Variants in TLN2 observed in about 807,000 individuals in gnomAD.
TLN2 encodes talin-2.
A neutral mutation model predicts 294.7 loss-of-function variants in TLN2; 118 were observed. The observed-to-expected ratio is 0.40, with a 90% CI of 0.34 to 0.47. The LOEUF is 0.47. Among genes scored for constraint, TLN2 ranks in the 20% least tolerant of loss-of-function variants. The pLI, the probability that TLN2 is intolerant of heterozygous loss-of-function variation, is 0.84. For missense variants in TLN2, 3,083 were observed against 3,282.2 expected, an observed-to-expected ratio of 0.94 and a Z score of 1.48; for synonymous variants, 1,431 against 1,304.5, an observed-to-expected ratio of 1.10 and a Z score of -2.09.
intron 2 of TLN2, among the ~76,000 whole-genome samples, chr15:62,608,940 G>A (rs548432673): frequency 1.1e-3 from 168 of 152,184 alleles, no homozygotes; most frequent in African/African-American, 3.9e-3. Context: ...GGAGGGATAA[G>A]ATGGGTAATA....
chr15:62,557,927 C>T (rs183619695), intron 1 of TLN2, among the ~76,000 whole-genome samples: 46 of 152,318 alleles, frequency 3.0e-4, no homozygotes, highest in Non-Finnish European at 6.2e-4. Flanking sequence ...AGGTTTTGCG[C>T]CAGTGGTTCT....
At chr15:62,640,512 G>GC (rs1157302344) in intron 3 of TLN2, 6 of 372,930 alleles carry the variant, frequency 1.6e-5, no homozygotes, top group African/African-American at 2.1e-5. Flanking sequence ...CCCCCATTGT[G>GC]CCCCCCTAAG....
intron 51 of TLN2, among the ~76,000 whole-genome samples, chr15:62,808,540 C>T (rs928302565): frequency 6.6e-6 from 1 of 152,138 alleles, no homozygotes; most frequent in Non-Finnish European, 1.5e-5. Context: ...ATTGTTCTCC[C>T]AAAGGGTTCT....
intron 3 of TLN2, among the ~76,000 whole-genome samples, chr15:62,639,606 A>G (rs1250910723): frequency 6.6e-6 from 1 of 152,242 alleles, no homozygotes; most frequent in Admixed American, 6.5e-5. Flanking sequence ...ACAGGAGCTT[A>G]ACTCTCCTGG....
At chr15:62,754,757 C>G (rs2062133740) in intron 36 of TLN2, 2 of 152,304 alleles carry the variant, frequency 1.3e-5, no homozygotes, top group African/African-American at 4.8e-5. Context: ...GGGGTGTTAC[C>G]AGCCTCAGCA....
chr15:62,498,153 C>CAAAAAAAAAAA (rs538951284), intron 1 of TLN2, among the ~76,000 whole-genome samples: 12 of 93,370 alleles, frequency 1.3e-4, no homozygotes, highest in African/African-American at 1.7e-4. Flanking sequence ...GACCCTGCCT[C>CAAAAAAAAAAA]AAAAAAAAAA....
At chr15:62,693,596 A>G (rs531556503) in intron 13 of TLN2, among the ~76,000 whole-genome samples, 226 of 68,242 alleles carry the variant, frequency 3.3e-3, no homozygotes, top group African/African-American at 9.5e-3. Flanking sequence ...TGATCTTTGT[A>G]GTTTTCATGT....
At chr15:62,567,211 G>T (rs1416442363) in intron 1 of TLN2, among the ~76,000 whole-genome samples, 1 of 152,204 alleles carries the variant, frequency 6.6e-6, no homozygotes, top group Non-Finnish European at 1.5e-5. Flanking sequence ...GGATCATTCA[G>T]TTGTTTCCAA....
chr15:62,833,806 T>C, intron 55 of TLN2, 177 bp downstream of exon 55: 1 of 860,868 alleles, frequency 1.2e-6, no homozygotes, highest in Non-Finnish European at 1.6e-6. Flanking sequence ...ACCAACAGAA[T>C]AAGAGGTTTG....
At chr15:62,756,421 G>C (rs2062254470) in intron 37 of TLN2, among the ~76,000 whole-genome samples, 1 of 152,134 alleles carries the variant, frequency 6.6e-6, no homozygotes, top group African/African-American at 2.4e-5. Flanking sequence ...GCAGCAGGCA[G>C]CTGACCTGTG....
At chr15:62,620,946 C>T (rs1185610865) in intron 3 of TLN2, among the ~76,000 whole-genome samples, 1 of 150,156 alleles carries the variant, frequency 6.7e-6, no homozygotes, top group Non-Finnish European at 1.5e-5. Flanking sequence ...TCACACTGTT[C>T]TCCTGCCTCA....
At chr15:62,470,247 A>G (rs967242347) in intron 1 of TLN2, among the ~76,000 whole-genome samples, 4 of 152,194 alleles carry the variant, frequency 2.6e-5, no homozygotes, top group Admixed American at 6.5e-5. Flanking sequence ...GGATGGCCAA[A>G]CCAGGAAACA....
rs746996896 is a variant in TLN2 at position 62,762,433 on chromosome 15, G to A, written c.4941G>A (p.Lys1647=). The change falls in exon 39 of 59, where the codon AAG becomes AAA. Residue 1647 remains lysine, a synonymous_variant. Transcript: ENST00000636159. ...GHSHTVSDSI[K]SLITSIRDKA... ...CCCATACAGTGTCCGACTCCATCAAGAGTCTCATCACTTCTATCAGGTCAG... is the reference window on the plus strand; with the variant it reads ...CCCATACAGTGTCCGACTCCATCAAAAGTCTCATCACTTCTATCAGGTCAG... The A allele has an allele frequency of 6.2e-7, 1 of 1,614,140 alleles. No individual in the cohort carries two copies. Among genetic ancestry groups the A allele is most frequent in the Non-Finnish European group, 8.5e-7 (1 of 1,180,044 alleles).
intron 1 of TLN2, among the ~76,000 whole-genome samples, chr15:62,487,379 T>C (rs2038457853): frequency 6.6e-6 from 1 of 152,224 alleles, no homozygotes; most frequent in South Asian, 2.1e-4. Flanking sequence ...GAGCTCTGGA[T>C]GTTTTTAGTT....
intron 50 of TLN2, among the ~76,000 whole-genome samples, chr15:62,803,469 T>C (rs1265119758): frequency 1.3e-5 from 2 of 152,206 alleles, no homozygotes; most frequent in Non-Finnish European, 2.9e-5. Context: ...GAAGCTATTT[T>C]CTAGATCCTG....
intron 45 of TLN2, 63 bp downstream of exon 45, chr15:62,783,953 T>A (rs1335505078): frequency 1.9e-6 from 3 of 1,602,464 alleles, no homozygotes; most frequent in South Asian, 1.1e-5. Context: ...CTCCTGGGTA[T>A]TTCTTCATAG....
chr15:62,558,341 AG>A (rs1446011386), intron 1 of TLN2, among the ~76,000 whole-genome samples: 1 of 152,180 alleles, frequency 6.6e-6, no homozygotes, highest in Admixed American at 6.5e-5. Context: ...TATTTCCTCT[AG>A]TAAATGGTGA....
chr15:62,701,880 G>GTCT, intron 17 of TLN2, 112 bp from the exon 18 acceptor site: 1 of 1,236,714 alleles, frequency 8.1e-7, no homozygotes, highest in Middle Eastern at 2.7e-4. Context: ...GAAGCTTGGT[G>GTCT]TCTGACTCCT....
chr15:62,624,342 T>A (rs981018956), intron 3 of TLN2, among the ~76,000 whole-genome samples: 9 of 152,218 alleles, frequency 5.9e-5, no homozygotes, highest in Non-Finnish European at 1.2e-4. Context: ...AGAAGTTCCC[T>A]GCTTCTCAGC....
Sources: allele counts gnomAD v4.1 joint callset (sites outside exome capture counted in the v4.1 genomes callset), GRCh38; gene constraint gnomAD v4.1.1; transcripts MANE v1.5; gene names NCBI Gene and HGNC (gene_info 2026-07-23, HGNC 2026-07-21).